Variants in NOL4 observed in about 807,000 individuals in gnomAD.
The protein encoded by NOL4 is nucleolar protein 4.
In NOL4, 17 loss-of-function variants were observed where a neutral mutation model predicts 75.9. The observed-to-expected ratio is 0.22, with a 90% CI of 0.15 to 0.34. NOL4 has a LOEUF of 0.34. NOL4 is among the 10% of genes least tolerant of loss of function. NOL4 has a pLI of 1.00. For missense variants in NOL4, 614 were observed against 793.5 expected, an observed-to-expected ratio of 0.77 and a Z score of 2.72; for synonymous variants, 292 against 289.9, an observed-to-expected ratio of 1.01 and a Z score of -0.07.
chr18:33,925,567 C>T (rs1413354603), intron 9 of NOL4, among the ~76,000 whole-genome samples: 1 of 152,134 alleles, frequency 6.6e-6, no homozygotes, highest in Non-Finnish European at 1.5e-5. Context: ...TTAAATTAAA[C>T]TAATGTGACT....
Position 34,187,973 on chromosome 18 carries a change from C to T in NOL4, c.264+35017G>A, listed in dbSNP as rs78235488. Among the ~76,000 whole-genome samples the T allele has an allele frequency of 1.0e-3, 152 of 152,210 alleles. 3 individuals are homozygous for T. The East Asian group carries it at 0.026, about 26-fold the overall frequency. On this transcript the variant is annotated intron_variant, in intron 1 of 10. Coordinates refer to ENST00000261592, the MANE Select transcript of NOL4 (RefSeq NM_003787.5). ...AGAGTTGTATTGCTCCACATCCTCA[C>T]GAACATTGGTACTGTCAGTGCTTTG...
At chr18:33,943,028 T>A (rs751260278) in intron 9 of NOL4, 37 bp downstream of exon 9, 1 of 1,301,504 alleles carries the variant, frequency 7.7e-7, no homozygotes, top group Non-Finnish European at 1.1e-6. Flanking sequence ...ACATTTGCTA[T>A]AGCTGGTGTT....
At position 33,888,270 on chromosome 18, in the gene NOL4, C is replaced by CT. The variant is rs1317133510; in HGVS notation, c.1543-4847dup. Reference sequence around the variant, plus strand: ...CTTCACCCACTTTTTGATGGGGTTGCTTTTTTCTTGTAAATTTGTTGGAGT... The same window carrying CT: ...CTTCACCCACTTTTTGATGGGGTTGCTTTTTTTCTTGTAAATTTGTTGGAGT... On this transcript the variant is annotated intron_variant, in intron 9 of 10. Coordinates refer to ENST00000261592, the MANE Select transcript of NOL4 (RefSeq NM_003787.5). Among the ~76,000 whole-genome samples the CT allele has an allele frequency of 2.6e-3, 383 of 149,274 alleles. 4 individuals are homozygous for CT. Among genetic ancestry groups the CT allele is most frequent in the African/African-American group, 9.1e-3 (372 of 41,074 alleles).
intron 5 of NOL4, among the ~76,000 whole-genome samples, chr18:34,073,008 T>C (rs913525062): frequency 2.6e-5 from 4 of 152,114 alleles, no homozygotes; most frequent in Admixed American, 2.0e-4. Context: ...TAAAACTAAA[T>C]AGCCAGGGAC....
chr18:34,082,938 A>T (rs1351658834), intron 5 of NOL4, among the ~76,000 whole-genome samples: 1 of 152,200 alleles, frequency 6.6e-6, no homozygotes, highest in East Asian at 1.9e-4. Context: ...TCTAAAATGT[A>T]TATGAACATT....
intron 6 of NOL4, among the ~76,000 whole-genome samples, chr18:33,961,825 G>C (rs2070150827): frequency 6.6e-6 from 1 of 151,960 alleles, no homozygotes; most frequent in Admixed American, 6.6e-5. Flanking sequence ...GTTGAGTTTT[G>C]GAATCTCAGT....
rs147330535 is a variant in NOL4 at position 34,137,813 on chromosome 18, C to T, written c.265-7793G>A. Among the ~76,000 whole-genome samples the T allele has an allele frequency of 7.7e-3, 1,171 of 151,852 alleles. 12 individuals are homozygous for T. Among genetic ancestry groups the T allele is most frequent in the African/African-American group, 0.026 (1,070 of 41,392 alleles). ...ACACACACACACACACACACACGCA[C>T]GCACACATACACACATTCAAAAGGA... On this transcript the variant is annotated intron_variant, in intron 1 of 10. Transcript: ENST00000261592.
rs139842975 is a variant in NOL4, at chr18:33,936,653, G to A, written c.1542+6412C>T. Among the ~76,000 whole-genome samples the A allele has an allele frequency of 1.1e-3, 171 of 152,092 alleles. No individual in the cohort carries two copies. The Middle Eastern group carries it at 0.017, about 15-fold the overall frequency. ...TGTCCTTCTAGGGCAGTAACTGCTG[G>A]GCTCCTGCTGGGGAAGCCCTTAACT... On this transcript the variant is annotated intron_variant, in intron 9 of 10. Coordinates refer to ENST00000261592, the MANE Select transcript of NOL4 (RefSeq NM_003787.5).
Position 33,852,941 on chromosome 18 carries a change from G to A in NOL4, c.1818C>T (p.Ile606=), listed in dbSNP as rs146054932. 1 of 1,613,150 alleles carries A rather than the reference G, an allele frequency of 6.2e-7. No individual in the cohort carries two copies. Among genetic ancestry groups the A allele is most frequent in the African/African-American group, 1.3e-5 (1 of 74,842 alleles). ...NSRPQLSPTE[I]NAVRQLVAGY... ...CTGCAACAAGCTGTCTCACGGCATT[G>A]ATTTCAGTTGGACTCAGCTGGGGTC... Residue 606 remains isoleucine, a synonymous_variant, in exon 11 of 11, where the codon ATC becomes ATT. Transcript: ENST00000261592.
intron 1 of NOL4, among the ~76,000 whole-genome samples, chr18:34,181,378 T>C (rs2034017111): frequency 6.6e-6 from 1 of 151,464 alleles, no homozygotes; most frequent in Non-Finnish European, 1.5e-5. Context: ...ACGTTAAAAA[T>C]GAATTTGAAT....
chr18:34,155,406 C>T (rs2030195041), intron 1 of NOL4, among the ~76,000 whole-genome samples: 1 of 151,834 alleles, frequency 6.6e-6, no homozygotes, highest in African/African-American at 2.4e-5. Flanking sequence ...GTTGTGAATG[C>T]AGGAAAACTG....
At chr18:33,935,682 C>T (rs1425639376) in intron 9 of NOL4, among the ~76,000 whole-genome samples, 2 of 152,090 alleles carry the variant, frequency 1.3e-5, no homozygotes, top group Non-Finnish European at 1.5e-5. Context: ...GACAGACTTG[C>T]TCACAAGATT....
intron 6 of NOL4, among the ~76,000 whole-genome samples, chr18:33,976,891 C>G (rs1270670720): frequency 1.3e-5 from 2 of 152,194 alleles, no homozygotes; most frequent in Middle Eastern, 6.8e-3. Context: ...ATTTATTTCA[C>G]TGGCCTAGGC....
intron 1 of NOL4, among the ~76,000 whole-genome samples, chr18:34,187,734 G>C (rs1481310882): frequency 6.6e-6 from 1 of 152,134 alleles, no homozygotes; most frequent in Non-Finnish European, 1.5e-5. Flanking sequence ...GGCTATACCA[G>C]TTTATTTAGC....
At chr18:34,104,314 G>C (rs1568345970) in intron 3 of NOL4, among the ~76,000 whole-genome samples, 155 bp from the exon 4 acceptor site, 1 of 152,018 alleles carries the variant, frequency 6.6e-6, no homozygotes, top group Non-Finnish European at 1.5e-5. Flanking sequence ...AAAACAACTA[G>C]TAAGGTTCTA....
chr18:34,224,465 A>C lies in NOL4; in HGVS notation c.-1212T>G, dbSNP rs2037496970. ...GAAGTCAGCAGTTGCTCCATTCAGGACTTCCATCCATTTGTTTCCAGAGCT... is the reference window on the plus strand; with the variant it reads ...GAAGTCAGCAGTTGCTCCATTCAGGCCTTCCATCCATTTGTTTCCAGAGCT... On this transcript the variant is annotated 5_prime_UTR_variant, in exon 1 of 11. Coordinates refer to ENST00000261592, the MANE Select transcript of NOL4 (RefSeq NM_003787.5). 6.6e-6 allele frequency: 1 copy of C among 152,198 alleles called. No homozygotes were observed. The highest frequency in any genetic ancestry group is 2.4e-5 in the African/African-American group (1 of 41,400). The allele number at this position is 152,198 out of a possible 1,614,324, so 9.4% of individuals were successfully genotyped here.
At chr18:34,034,982 C>T (rs1221455179) in intron 5 of NOL4, among the ~76,000 whole-genome samples, 1 of 152,028 alleles carries the variant, frequency 6.6e-6, no homozygotes, top group African/African-American at 2.4e-5. Context: ...CTAAAGATGT[C>T]TAAAGATGGC....
intron 5 of NOL4, 144 bp downstream of exon 5, chr18:34,093,321 C>G: frequency 1.3e-6 from 1 of 785,602 alleles, no homozygotes; most frequent in East Asian, 2.7e-5. Context: ...ATGATATAAC[C>G]TAAATACATA....
intron 1 of NOL4, among the ~76,000 whole-genome samples, chr18:34,143,507 T>C (rs1487284040): frequency 6.6e-6 from 1 of 152,090 alleles, no homozygotes; most frequent in Admixed American, 6.6e-5. Flanking sequence ...TATTTTTTTG[T>C]AATTGATTTG....
Sources: gnomAD v4.1 joint callset for allele counts (sites outside exome capture counted in the v4.1 genomes callset) on GRCh38, gnomAD v4.1.1 for gene constraint, MANE v1.5 for transcripts, NCBI Gene and HGNC (gene_info 2026-07-23, HGNC 2026-07-21) for gene names.